Variants in CALD1 observed in about 807,000 individuals in gnomAD.
CALD1 encodes the protein caldesmon.
In CALD1, 33 loss-of-function variants were observed where a neutral mutation model predicts 99.9. The ratio of observed to expected loss-of-function variants is 0.33; its 90% confidence interval spans 0.25 to 0.44. CALD1 has a LOEUF of 0.44. Ranked by LOEUF, CALD1 falls within the 20% of genes least tolerant of loss-of-function variation. The pLI is 1.00. For missense variants in CALD1, 861 were observed against 962.1 expected, an observed-to-expected ratio of 0.89 and a Z score of 1.39; for synonymous variants, 310 against 325.0, an observed-to-expected ratio of 0.95 and a Z score of 0.50.
intron 2 of CALD1, among the ~76,000 whole-genome samples, chr7:134,860,517 G>A (rs1046333397): frequency 2.6e-5 from 4 of 152,140 alleles, no homozygotes; most frequent in African/African-American, 9.7e-5. Context: ...AGATGAATTG[G>A]CTTGAGTTAC....
chr7:134,891,122 G>C (rs189775646), intron 3 of CALD1, among the ~76,000 whole-genome samples: 252 of 152,312 alleles, frequency 1.7e-3, no homozygotes, highest in South Asian at 3.5e-3. Flanking sequence ...GTATATGCAT[G>C]TAATACCATG....
chr7:134,942,998 AT>A (rs1222039615), intron 7 of CALD1, among the ~76,000 whole-genome samples: 1 of 152,116 alleles, frequency 6.6e-6, no homozygotes, highest in Non-Finnish European at 1.5e-5. Context: ...TAATTTTTCT[AT>A]TTTGGGCAGG....
chr7:134,896,246 T>C (rs754211962), intron 3 of CALD1, among the ~76,000 whole-genome samples: 6 of 152,238 alleles, frequency 3.9e-5, no homozygotes, highest in Non-Finnish European at 5.9e-5. Flanking sequence ...GCACCCTTTC[T>C]GCAGAAAGTA....
chr7:134,876,247 T>C (rs1801345724), intron 3 of CALD1, among the ~76,000 whole-genome samples: 1 of 152,194 alleles, frequency 6.6e-6, no homozygotes, highest in Non-Finnish European at 1.5e-5. Context: ...CTAATGAATT[T>C]TAAAACTGCC....
intron 3 of CALD1, among the ~76,000 whole-genome samples, chr7:134,872,572 A>G: frequency 6.6e-6 from 1 of 152,166 alleles, no homozygotes; most frequent in East Asian, 1.9e-4. Context: ...AATGCAAGAT[A>G]CTATACCGAA....
At chr7:134,727,441 T>C in the CALD1 span, among the ~76,000 whole-genome samples, 3 of 152,260 alleles carry the variant, frequency 2.0e-5, no homozygotes, top group Admixed American at 2.0e-4. Flanking sequence ...CCAGCTTTTC[T>C]TAGTTCATAA....
chr7:134,726,444 TATATATAATATATATTATATAGCTTTAG>T, the CALD1 span, among the ~76,000 whole-genome samples: 9 of 35,172 alleles, frequency 2.6e-4, no homozygotes, highest in Non-Finnish European at 2.8e-4. Flanking sequence ...TATAGCTTTA[TATATATAATATATATTATATAGCTTTAG>T]ATATATAATA....
At chr7:134,927,639 C>G (rs932840635) in intron 3 of CALD1, among the ~76,000 whole-genome samples, 1 of 146,934 alleles carries the variant, frequency 6.8e-6, no homozygotes, top group Non-Finnish European at 1.5e-5. Flanking sequence ...AGCTCATAGA[C>G]ATCTATCTAA....
intron 3 of CALD1, among the ~76,000 whole-genome samples, chr7:134,880,877 T>G (rs1801567648): frequency 6.6e-6 from 1 of 152,190 alleles, no homozygotes. Context: ...GGATTATCAT[T>G]GCTACAGATG....
chr7:134,897,551 T>C lies in CALD1; in HGVS notation c.71+29747T>C, dbSNP rs192791140. Among the ~76,000 whole-genome samples, 22 of 152,224 alleles carry C rather than the reference T, an allele frequency of 1.4e-4. No individual in the cohort carries two copies. The East Asian group carries it at 3.9e-3, about 27-fold the overall frequency. On this transcript the variant is annotated intron_variant, in intron 3 of 14. Transcript: ENST00000361675. ...CTGCAGATGGGTCACAAACCGAAGT[T>C]TGAAAACCACTGAACATATCACATG... is the stretch of plus-strand genomic sequence containing the variant.
chr7:134,875,638 A>ATCTGTGAG (rs1801313445), intron 3 of CALD1, among the ~76,000 whole-genome samples: 2 of 152,178 alleles, frequency 1.3e-5, no homozygotes, highest in Non-Finnish European at 2.9e-5. Context: ...TGCTTTGCTC[A>ATCTGTGAG]CCCCTTAAAC....
chr7:134,858,014 A>G lies in CALD1; in HGVS notation c.-41-9679A>G, dbSNP rs139416885. On this transcript the variant is annotated intron_variant, in intron 2 of 14. Coordinates refer to ENST00000361675, the MANE Select transcript of CALD1 (RefSeq NM_033138.4). ...AGATAGCTGGCCAAGGCTCTGTATC[A>G]CTAAACTGGAAGTGTTAGTTGAACA... Among the ~76,000 whole-genome samples the G allele has an allele frequency of 5.2e-3, 798 of 152,116 alleles. 11 individuals are homozygous for G. The highest frequency in any genetic ancestry group is 0.018 in the African/African-American group (763 of 41,428).
At chr7:134,715,706 G>A in the CALD1 span, among the ~76,000 whole-genome samples, 1 of 152,114 alleles carries the variant, frequency 6.6e-6, no homozygotes, top group Middle Eastern at 3.2e-3. Context: ...AGTGGGAATG[G>A]GATAATTATG....
chr7:134,948,881 T>A (rs76046169), intron 8 of CALD1, among the ~76,000 whole-genome samples: 2 of 151,584 alleles, frequency 1.3e-5, no homozygotes, highest in Non-Finnish European at 1.5e-5. Flanking sequence ...TTTTTTTTTT[T>A]ATTGTTTTTT....
chr7:134,828,506 T>G (rs1171673363), intron 1 of CALD1, among the ~76,000 whole-genome samples: 3 of 152,174 alleles, frequency 2.0e-5, no homozygotes, highest in Admixed American at 6.5e-5. Context: ...CAAAACTGCA[T>G]CATCTGTTCC....
intron 1 of CALD1, among the ~76,000 whole-genome samples, chr7:134,813,147 T>C (rs1798418998): frequency 6.6e-6 from 1 of 152,162 alleles, no homozygotes; most frequent in Non-Finnish European, 1.5e-5. Flanking sequence ...TTGATGATCT[T>C]GAAAAGCATC....
rs1485412936 is a variant in CALD1, at chr7:134,960,777, T to G, written c.2295+149T>G. The G allele has an allele frequency of 5.0e-6, 3 of 598,060 alleles. No homozygotes were observed. The East Asian group carries it at 8.5e-5, about 17-fold the overall frequency. The allele number at this position is 598,060 out of a possible 1,614,324, so 37.0% of individuals were successfully genotyped here. ...ATAGCAAACAGGAAAGTGTTCAGATTTACAACAGTTCTAAGAAGCTGCATC... is the reference window on the plus strand; with the variant it reads ...ATAGCAAACAGGAAAGTGTTCAGATGTACAACAGTTCTAAGAAGCTGCATC... On this transcript the variant is annotated intron_variant, in intron 13 of 14. Transcript: ENST00000361675.
At chr7:134,763,917 CAAAAAA>C (rs34036528) in intron 1 of CALD1, among the ~76,000 whole-genome samples, 1 of 103,400 alleles carries the variant, frequency 9.7e-6, no homozygotes, top group Non-Finnish European at 2.0e-5. Context: ...GACTCCATCT[CAAAAAA>C]AAAAAAAAAA....
intron 1 of CALD1, among the ~76,000 whole-genome samples, chr7:134,755,136 G>A (rs1796716403): frequency 6.6e-6 from 1 of 152,054 alleles, no homozygotes; most frequent in Admixed American, 6.5e-5. Context: ...GAGTAGCTGG[G>A]ATTACAGGCG....
Sources: allele counts gnomAD v4.1 joint callset (sites outside exome capture counted in the v4.1 genomes callset), GRCh38; gene constraint gnomAD v4.1.1; transcripts MANE v1.5; gene names NCBI Gene and HGNC (gene_info 2026-07-23, HGNC 2026-07-21).